CD46: variants seen among roughly 807,000 people sequenced by gnomAD.
The protein encoded by CD46 is membrane cofactor protein.
In CD46, 30 loss-of-function variants were observed where a neutral mutation model predicts 53.3. The ratio of observed to expected loss-of-function variants is 0.56; its 90% CI spans 0.42 to 0.76. The LOEUF is 0.76. Ranked by LOEUF, CD46 falls within the 30% of genes least tolerant of loss-of-function variation. The pLI is 0.00. For missense variants in CD46, 409 were observed against 463.0 expected, an observed-to-expected ratio of 0.88 and a Z score of 1.07; for synonymous variants, 142 against 152.0, an observed-to-expected ratio of 0.93 and a Z score of 0.48.
chr1:207,758,299 A>T lies in CD46; in HGVS notation c.389+657A>T, dbSNP rs189024757. On this transcript the variant is annotated intron_variant, in intron 3 of 12. Transcript: ENST00000367042. Reference sequence around the variant, plus strand: ...GAGGCTAGGCATTTATAAAGAAAAGAAATGTATTTGGCTCATATTTCTGGA... The same window carrying T: ...GAGGCTAGGCATTTATAAAGAAAAGTAATGTATTTGGCTCATATTTCTGGA... Among the ~76,000 whole-genome samples the T allele has an allele frequency of 3.3e-5, 5 of 152,324 alleles. No individual in the cohort carries two copies. In the East Asian group the frequency reaches 9.7e-4, roughly 29 times the overall value.
In CD46 at chr1:207,761,306, T is replaced by C. The variant is rs187450699; in HGVS notation, c.533T>C (p.Val178Ala). The change falls in exon 5 of 13, where the codon GTA (valine) becomes GCA (alanine). Residue 178 changes from valine (V) to alanine (A), a missense_variant. Coordinates refer to ENST00000367042, the MANE Select transcript of CD46 (RefSeq NM_172351.3). ...IKNGKHTFSE[V>A]EVFEYLDAVT... is the part of the protein sequence containing the mutation. ...AATGGAAAACACACCTTTAGTGAAGTAGAAGTATTTGAGTATCTTGATGCA... is the reference window on the plus strand; with the variant it reads ...AATGGAAAACACACCTTTAGTGAAGCAGAAGTATTTGAGTATCTTGATGCA... The C allele has an allele frequency of 1.2e-6, 2 of 1,613,290 alleles. No individual in the cohort carries two copies. Among genetic ancestry groups the C allele is most frequent in the Admixed American group, 3.3e-5 (2 of 60,022 alleles).
chr1:207,774,071 A>G (rs145030735), intron 8 of CD46, among the ~76,000 whole-genome samples: 3 of 152,108 alleles, frequency 2.0e-5, no homozygotes, highest in Non-Finnish European at 2.9e-5. Flanking sequence ...GTGCTCCTGT[A>G]TTGGGTGCAT....
At chr1:207,753,051 T>C (rs1190121609) in intron 1 of CD46, among the ~76,000 whole-genome samples, 9 of 151,506 alleles carry the variant, frequency 5.9e-5, no homozygotes, top group Admixed American at 5.9e-4. Flanking sequence ...TGAGCTCCTA[T>C]TAGTTTGTAA....
At position 207,779,936 on chromosome 1, in the gene CD46, G is replaced by A. The variant is rs1268407207; in HGVS notation, c.944-3356G>A. ...GTCTTTTTTTTTTTTTTTTTTTACT[G>A]TAGTACTATATGTTTTAATAACTGC... On this transcript the variant is annotated intron_variant, in intron 8 of 12. Transcript: ENST00000367042. Among the ~76,000 whole-genome samples the A allele has an allele frequency of 2.9e-4, 8 of 27,698 alleles. 1 individual carries two copies. Among genetic ancestry groups the A allele is most frequent in the African/African-American group, 1.1e-3 (8 of 7,360 alleles). The allele number at this position is 27,698 out of a possible 152,430, so 18.2% of individuals were successfully genotyped here.
In CD46 at chr1:207,786,455, G is replaced by A. The variant is rs548769814; in HGVS notation, c.1082+773G>A. ...TTTAAAACATCAAACTCAAATTTTAGTTAAAGAGCTTACAGTTTAACAAAA... is the reference window on the plus strand; with the variant it reads ...TTTAAAACATCAAACTCAAATTTTAATTAAAGAGCTTACAGTTTAACAAAA... On this transcript the variant is annotated intron_variant, in intron 11 of 12. Coordinates refer to ENST00000367042, the MANE Select transcript of CD46 (RefSeq NM_172351.3). 5.9e-5 allele frequency among the ~76,000 whole-genome samples: 9 copies of A among 152,264 alleles called. No homozygotes were observed. The South Asian group carries it at 1.9e-3, about 32-fold the overall frequency.
intron 5 of CD46, 52 bp from the exon 6 acceptor site, chr1:207,766,961 T>G: frequency 6.9e-7 from 1 of 1,447,536 alleles, no homozygotes; most frequent in Non-Finnish European, 9.7e-7. Context: ...TTGTACTACT[T>G]TTTCTGCTAA....
intron 4 of CD46, 32 bp downstream of exon 4, chr1:207,759,756 C>A: frequency 1.5e-6 from 2 of 1,292,068 alleles, no homozygotes; most frequent in Non-Finnish European, 2.2e-6. Flanking sequence ...AAATTTAGAC[C>A]AGTAGTCCTC....
Position 207,793,581 on chromosome 1 carries a change from A to C in CD46, c.*104A>C. 6.2e-7 allele frequency: 1 copy of C among 1,613,858 alleles called. No homozygotes were observed. Among genetic ancestry groups the C allele is most frequent in the Non-Finnish European group, 8.5e-7 (1 of 1,179,710 alleles). On this transcript the variant is annotated 3_prime_UTR_variant, in exon 13 of 13. Coordinates refer to ENST00000367042, the MANE Select transcript of CD46 (RefSeq NM_172351.3). ...ACTAAATCAACCACTCCAGCAGAGC[A>C]GAGAGGCTGAATAGATTCCACAACC...
At position 207,752,109 on chromosome 1, in the gene CD46, A is replaced by G; in HGVS notation, c.-104A>G. On this transcript the variant is annotated 5_prime_UTR_variant, in exon 1 of 13. Coordinates refer to ENST00000367042, the MANE Select transcript of CD46 (RefSeq NM_172351.3). This position sits in a 1 kb window ranked among gnomAD's most constrained non-coding sequence, Gnocchi z 4.1. ...GCACTGGATGCTTTGTGAGTTGGGG[A>G]TTGTTGCGTCCCATATCTGGACCCA... The G allele has an allele frequency of 9.4e-7, 1 of 1,062,140 alleles. No homozygotes were observed. The highest frequency in any genetic ancestry group is 1.5e-6 in the Non-Finnish European group (1 of 688,990). 65.8% of individuals were successfully genotyped at this position (1,062,140 alleles called of 1,614,324 possible). A position where few individuals can be genotyped will look rare whatever the true frequency, so the allele number is the denominator to read the frequency against.
rs1243712840 is a variant in CD46 at position 207,789,014 on chromosome 1, C to A, written c.1083-1239C>A. 2.0e-5 allele frequency among the ~76,000 whole-genome samples: 3 copies of A among 152,198 alleles called. No homozygotes were observed. The East Asian group carries it at 5.8e-4, about 29-fold the overall frequency. On this transcript the variant is annotated intron_variant, in intron 11 of 12. Transcript: ENST00000367042. Reference sequence around the variant, plus strand: ...TTCCCATTTCCTTTCTTTACTAATTCTTCTACCATACTTTTTAGTCTTGGA... The same window carrying A: ...TTCCCATTTCCTTTCTTTACTAATTATTCTACCATACTTTTTAGTCTTGGA...
intron 4 of CD46, chr1:207,760,651 AAAG>A (rs1213877663): frequency 3.9e-5 from 6 of 152,720 alleles, no homozygotes; most frequent in Admixed American, 1.3e-4. Flanking sequence ...TTTATAAAGA[AAAG>A]AAGTTTAATT....
intron 5 of CD46, chr1:207,762,437 G>A (rs1295763493): frequency 2.6e-5 from 4 of 151,302 alleles, no homozygotes. Flanking sequence ...ATGAAATTGA[G>A]AAAAGAAAAA....
intron 8 of CD46, among the ~76,000 whole-genome samples, chr1:207,771,714 A>T (rs1328790090): frequency 6.6e-6 from 1 of 151,996 alleles, no homozygotes; most frequent in Non-Finnish European, 1.5e-5. Context: ...TGTAGATGTG[A>T]GTTGTTATTT....
intron 8 of CD46, among the ~76,000 whole-genome samples, chr1:207,772,179 CA>C (rs1480627050): frequency 6.6e-6 from 1 of 152,110 alleles, no homozygotes; most frequent in Non-Finnish European, 1.5e-5. Context: ...AATGGGAATT[CA>C]CTCATTATTT....
chr1:207,764,385 C>T (rs1385669701), intron 5 of CD46, among the ~76,000 whole-genome samples: 1 of 152,180 alleles, frequency 6.6e-6, no homozygotes, highest in Non-Finnish European at 1.5e-5. Context: ...TTAATGGCCG[C>T]TCGATCTTGA....
chr1:207,785,206 T>C, intron 10 of CD46, 100 bp downstream of exon 10: 1 of 952,632 alleles, frequency 1.0e-6, no homozygotes, highest in Non-Finnish European at 1.7e-6. Flanking sequence ...TTTCAGCTTG[T>C]AAATTGGTTA....
rs63193962 is a variant in CD46 at position 207,785,777 on chromosome 1, CTT to C, written c.1082+108_1082+109del. On this transcript the variant is annotated intron_variant, in intron 11 of 12. Coordinates refer to ENST00000367042, the MANE Select transcript of CD46 (RefSeq NM_172351.3). ...GTTTGTAATCTGTATTGCATGCTAT[CTT>C]TTTTTTTTTTTTAAAAAAATGCCTG... 2,384 of 675,330 alleles carry C rather than the reference CTT, an allele frequency of 3.5e-3. 17 individuals are homozygous for C. The highest frequency in any genetic ancestry group is 0.014 in the East Asian group (497 of 34,796). 41.8% of individuals were successfully genotyped at this position (675,330 alleles called of 1,614,324 possible).
intron 8 of CD46, among the ~76,000 whole-genome samples, chr1:207,776,542 T>TA (rs1288875663): frequency 1.3e-5 from 2 of 152,250 alleles, no homozygotes; most frequent in Non-Finnish European, 2.9e-5. Flanking sequence ...AAGACATATC[T>TA]AAAAAAATGT....
intron 8 of CD46, among the ~76,000 whole-genome samples, chr1:207,782,836 G>A (rs1186405645): frequency 7.4e-6 from 1 of 135,138 alleles, no homozygotes; most frequent in African/African-American, 2.7e-5. Context: ...TTTTTTTTTA[G>A]TAGAGACGGG....
Sources: gnomAD v4.1 joint callset for allele counts (sites outside exome capture counted in the v4.1 genomes callset) on GRCh38, gnomAD v4.1.1 for gene constraint, Gnocchi (gnomAD v3.1) non-coding constraint, MANE v1.5 for transcripts, NCBI Gene and HGNC (gene_info 2026-07-23, HGNC 2026-07-21) for gene names.